Variants in IPO9 observed in about 807,000 individuals in gnomAD.
IPO9 encodes the protein importin 9.
A neutral mutation model predicts 128.6 loss-of-function variants in IPO9; 28 were observed. The observed-to-expected ratio is 0.22, with a 90% CI of 0.16 to 0.30. IPO9 has a LOEUF of 0.30. IPO9 is among the 10% of genes least tolerant of loss of function. The pLI is 1.00. For synonymous variants in IPO9, 455 were observed against 475.8 expected, an observed-to-expected ratio of 0.96 and a Z score of 0.57; for missense variants, 935 against 1,293.9, an observed-to-expected ratio of 0.72 and a Z score of 4.26.
intron 5 of IPO9, 57 bp downstream of exon 5, chr1:201,852,249 C>A: frequency 9.1e-7 from 1 of 1,100,286 alleles, no homozygotes; most frequent in African/African-American, 1.6e-5. Flanking sequence ...AGCCCCCAGC[C>A]TTTCAGGTGG....
chr1:201,855,999 G>A lies in IPO9; in HGVS notation c.1122+65G>A, dbSNP rs1680322592. On this transcript the variant is annotated intron_variant, in intron 10 of 23. Transcript: ENST00000361565. ...GAAAGTGCAACTTGAAGAATATGAGGTCTTGGTCAGGTGAACACTTTATTT... is the reference window on the plus strand; with the variant it reads ...GAAAGTGCAACTTGAAGAATATGAGATCTTGGTCAGGTGAACACTTTATTT... 2.4e-6 allele frequency: 3 copies of A among 1,234,658 alleles called. No homozygotes were observed. The South Asian group carries it at 4.6e-5, about 19-fold the overall frequency. The allele number at this position is 1,234,658 out of a possible 1,614,324, so 76.5% of individuals were successfully genotyped here.
chr1:201,840,223 G>A (rs1405046490), intron 1 of IPO9, among the ~76,000 whole-genome samples: 5 of 152,090 alleles, frequency 3.3e-5, no homozygotes, highest in Admixed American at 6.6e-5. Context: ...CCAAGTAGCC[G>A]AGGCTACAGG....
chr1:201,855,688 C>A, intron 9 of IPO9, 95 bp from the exon 10 acceptor site: 1 of 1,090,012 alleles, frequency 9.2e-7, no homozygotes, highest in Non-Finnish European at 1.3e-6. Context: ...TTTAAATATT[C>A]AGTAATTTAC....
At chr1:201,853,542 T>A (rs1680264914) in intron 6 of IPO9, among the ~76,000 whole-genome samples, 2 of 149,822 alleles carry the variant, frequency 1.3e-5, no homozygotes, top group African/African-American at 2.5e-5. Flanking sequence ...TATATTTGTA[T>A]TTTTTTTATT....
chr1:201,837,723 T>C (rs774547693), intron 1 of IPO9, among the ~76,000 whole-genome samples: 8 of 152,198 alleles, frequency 5.3e-5, no homozygotes, highest in Non-Finnish European at 7.3e-5. Flanking sequence ...GCTAGGAACA[T>C]TAAAAGTCCA....
chr1:201,874,714 G>A, intron 21 of IPO9, 118 bp from the exon 22 acceptor site: 5 of 727,014 alleles, frequency 6.9e-6, no homozygotes, highest in South Asian at 1.7e-5. Context: ...TCTTTCACTG[G>A]GGACTACAAG....
At chr1:201,857,028 T>G in intron 10 of IPO9, 68 bp from the exon 11 acceptor site, 1 of 982,198 alleles carries the variant, frequency 1.0e-6, no homozygotes, top group South Asian at 1.3e-5. Flanking sequence ...GAAATCTTCC[T>G]GTATCTGTTG....
In IPO9 at chr1:201,870,916, G is replaced by T. The variant is rs547500646; in HGVS notation, c.2409+58G>T. The T allele has an allele frequency of 4.1e-5, 60 of 1,478,214 alleles. 1 individual carries two copies. The highest frequency in any genetic ancestry group is 1.8e-4 in the Middle Eastern group (1 of 5,652). The allele number at this position is 1,478,214 out of a possible 1,614,324, so 91.6% of individuals were successfully genotyped here. A position where few individuals can be genotyped will look rare whatever the true frequency, so the allele number is the denominator to read the frequency against. On this transcript the variant is annotated intron_variant, in intron 18 of 23. Transcript: ENST00000361565. The surrounding 1 kb of genome is among the most constrained non-coding windows in gnomAD (Gnocchi z 4.9). ...CCCTGGCTGATAGAAATGAAAATTCGTATTTTGGTCCTGAGTTATTTTATT... is the reference window on the plus strand; with the variant it reads ...CCCTGGCTGATAGAAATGAAAATTCTTATTTTGGTCCTGAGTTATTTTATT...
chr1:201,867,060 G>A, intron 15 of IPO9, 101 bp downstream of exon 15: 2 of 977,544 alleles, frequency 2.0e-6, no homozygotes, highest in Non-Finnish European at 3.2e-6. Flanking sequence ...TAGCTATGAA[G>A]CTATGGTTTT....
chr1:201,869,868 G>A lies in IPO9; in HGVS notation c.2133+150G>A, dbSNP rs894135172. ...AGCAGATTCAGGAAGGGTTCAGTCT[G>A]CAAAAGCCAAGCATTTCTGGTGCTT... On this transcript the variant is annotated intron_variant, in intron 17 of 23. Coordinates refer to ENST00000361565, the MANE Select transcript of IPO9 (RefSeq NM_018085.5). 1.2e-5 allele frequency: 12 copies of A among 1,026,574 alleles called. No individual in the cohort carries two copies. The Admixed American group carries it at 1.2e-4, about 11-fold the overall frequency. 63.6% of individuals were successfully genotyped at this position (1,026,574 alleles called of 1,614,324 possible). A position where few individuals can be genotyped will look rare whatever the true frequency, so the allele number is the denominator to read the frequency against.
intron 6 of IPO9, among the ~76,000 whole-genome samples, chr1:201,854,014 G>A (rs1680273644): frequency 6.6e-6 from 1 of 152,170 alleles, no homozygotes; most frequent in Non-Finnish European, 1.5e-5. Context: ...GGGATTACAG[G>A]CATGAGCCAC....
Position 201,876,796 on chromosome 1 carries a change from C to A in IPO9, c.*742C>A, listed in dbSNP as rs1680773676. ...GGGGAAAAGGGATTTTTTTTAAATC[C>A]ACCTGACCCAACTATATTTAATATG... On this transcript the variant is annotated 3_prime_UTR_variant, in exon 24 of 24. Coordinates refer to ENST00000361565, the MANE Select transcript of IPO9 (RefSeq NM_018085.5). The A allele has an allele frequency of 6.6e-6, 1 of 150,840 alleles. No individual in the cohort carries two copies. Among genetic ancestry groups the A allele is most frequent in the Non-Finnish European group, 1.5e-5 (1 of 67,842 alleles). 9.3% of individuals were successfully genotyped at this position (150,840 alleles called of 1,614,324 possible). A position where few individuals can be genotyped will look rare whatever the true frequency, so the allele number is the denominator to read the frequency against.
rs10920267 is a variant in IPO9, at chr1:201,869,742, A to C, written c.2133+24A>C. The C allele has an allele frequency of 2.6e-3, 4,263 of 1,612,980 alleles. 109 individuals are homozygous for C. The African/African-American group carries it at 0.05, about 19-fold the overall frequency. ...AGGTATCTGAGACATGGAGAGTAGA[A>C]GAGGGAAGATAGCTCCCCAGCCATG... is the stretch of plus-strand genomic sequence containing the variant. On this transcript the variant is annotated intron_variant, in intron 17 of 23. Transcript: ENST00000361565.
At chr1:201,857,256 T>C (rs972456012) in intron 11 of IPO9, 62 bp downstream of exon 11, 3 of 1,144,604 alleles carry the variant, frequency 2.6e-6, no homozygotes, top group Non-Finnish European at 4.0e-6. Context: ...ATTTCTTCTT[T>C]TTTGTAGACA....
intron 20 of IPO9, among the ~76,000 whole-genome samples, chr1:201,873,809 A>G (rs765877362): frequency 9.9e-5 from 15 of 152,188 alleles, no homozygotes; most frequent in Non-Finnish European, 1.0e-4. Flanking sequence ...AGCTTCATTC[A>G]GAAGCGTGGG....
In IPO9 at chr1:201,876,118, T is replaced by G; in HGVS notation, c.*64T>G. The G allele has an allele frequency of 9.2e-7, 1 of 1,090,784 alleles. No homozygotes were observed. The highest frequency in any genetic ancestry group is 1.4e-6 in the Non-Finnish European group (1 of 701,886). 67.6% of individuals were successfully genotyped at this position (1,090,784 alleles called of 1,614,324 possible). A position where few individuals can be genotyped will look rare whatever the true frequency, so the allele number is the denominator to read the frequency against. On this transcript the variant is annotated 3_prime_UTR_variant, in exon 24 of 24. Transcript: ENST00000361565. Reference sequence around the variant, plus strand: ...CCGCAAACCATTTTGCAGCCCTCACTGGCCTTGAGATGCACTTTCTTCTCA... The same window carrying G: ...CCGCAAACCATTTTGCAGCCCTCACGGGCCTTGAGATGCACTTTCTTCTCA...
chr1:201,850,808 C>T (rs1310970710), intron 4 of IPO9: 1 of 152,086 alleles, frequency 6.6e-6, no homozygotes, highest in African/African-American at 2.4e-5. Flanking sequence ...AGAACACTCA[C>T]CATTCAAAGC....
intron 10 of IPO9, 130 bp downstream of exon 10, chr1:201,856,064 C>A: frequency 1.4e-6 from 1 of 711,796 alleles, no homozygotes; most frequent in Non-Finnish European, 2.1e-6. Context: ...ATGTGAAGTT[C>A]TGGGAAAGGT....
intron 12 of IPO9, 42 bp from the exon 13 acceptor site, chr1:201,858,813 G>A (rs750394947): frequency 1.0e-5 from 16 of 1,557,606 alleles, no homozygotes; most frequent in Middle Eastern, 3.4e-4. Flanking sequence ...ATCTCTTTTG[G>A]CAGTTTAGTA....
Sources: gnomAD v4.1 joint callset for allele counts (sites outside exome capture counted in the v4.1 genomes callset) on GRCh38, gnomAD v4.1.1 for gene constraint, Gnocchi (gnomAD v3.1) non-coding constraint, MANE v1.5 for transcripts, NCBI Gene and HGNC (gene_info 2026-07-23, HGNC 2026-07-21) for gene names.